The following BRD10 variants were observed in gnomAD, a reference collection of about 807,000 sequenced individuals.
BRD10 encodes the protein uncharacterized bromodomain-containing protein 10.
At chr9:5,991,180 GTATATATA>G in the BRD10 span, among the ~76,000 whole-genome samples, 2,290 of 150,056 alleles carry the variant, frequency 0.015, 26 homozygotes, top group Non-Finnish European at 0.02. Flanking sequence ...GTGTGTGTGT[GTATATATA>G]TATATATATA....
At chr9:5,940,956 T>C in the BRD10 span, among the ~76,000 whole-genome samples, 1 of 152,164 alleles carries the variant, frequency 6.6e-6, no homozygotes, top group Admixed American at 6.5e-5. Flanking sequence ...CAGAAGAGGT[T>C]TTTTTCCTTA....
chr9:5,892,592 G>A, the BRD10 span: 205 of 1,571,196 alleles, frequency 1.3e-4, no homozygotes, highest in African/African-American at 5.2e-4. Context: ...CCAGTTTGCC[G>A]TTTGCTGACA....
chr9:6,006,735 G>A, the BRD10 span, among the ~76,000 whole-genome samples: 4 of 152,192 alleles, frequency 2.6e-5, no homozygotes, highest in Admixed American at 6.5e-5. Context: ...GACATGGGTA[G>A]TAAATGATAA....
the BRD10 span, among the ~76,000 whole-genome samples, chr9:5,975,502 C>T: frequency 2.2e-4 from 28 of 129,278 alleles, no homozygotes; most frequent in Middle Eastern, 4.7e-3. Flanking sequence ...GTTATTGAAA[C>T]TATATTATTC....
the BRD10 span, among the ~76,000 whole-genome samples, chr9:5,916,522 T>C: frequency 6.7e-6 from 1 of 150,018 alleles, no homozygotes; most frequent in African/African-American, 2.4e-5. Flanking sequence ...TATACATATG[T>C]GTGTATATAT....
chr9:5,921,829 A>C, the BRD10 span: 2 of 1,614,010 alleles, frequency 1.2e-6, no homozygotes, highest in South Asian at 1.1e-5. Flanking sequence ...GCATGTGTGA[A>C]GTTTTATCTA....
At chr9:5,908,102 C>T in the BRD10 span, among the ~76,000 whole-genome samples, 1 of 152,224 alleles carries the variant, frequency 6.6e-6, no homozygotes, top group Non-Finnish European at 1.5e-5. Flanking sequence ...CCACAACTTA[C>T]TAGTTGTGTG....
chr9:5,885,829 C>T, the BRD10 span, among the ~76,000 whole-genome samples: 2 of 152,190 alleles, frequency 1.3e-5, no homozygotes, highest in South Asian at 2.1e-4. Context: ...GTGAGGCTTA[C>T]GGGGTGAGGA....
At chr9:5,948,889 T>C in the BRD10 span, among the ~76,000 whole-genome samples, 2 of 152,148 alleles carry the variant, frequency 1.3e-5, no homozygotes, top group Admixed American at 6.6e-5. Flanking sequence ...GCTAAAACTA[T>C]GCAGATGGGA....
the BRD10 span, among the ~76,000 whole-genome samples, chr9:5,951,328 TAAAA>T: frequency 6.7e-6 from 1 of 149,676 alleles, no homozygotes; most frequent in Non-Finnish European, 1.5e-5. Context: ...CATTAGGACT[TAAAA>T]AAAAAAAACT....
the BRD10 span, chr9:5,908,769 A>T: frequency 1.4e-6 from 2 of 1,452,808 alleles, no homozygotes; most frequent in Non-Finnish European, 1.9e-6. Context: ...GCTTGAATTT[A>T]ATACAGACAT....
the BRD10 span, among the ~76,000 whole-genome samples, chr9:5,893,215 G>GT: frequency 6.6e-6 from 1 of 152,196 alleles, no homozygotes; most frequent in African/African-American, 2.4e-5. Context: ...TGTAAGTGCG[G>GT]TAATGAAAAC....
chr9:5,920,290 T>C, the BRD10 span: 4 of 1,613,982 alleles, frequency 2.5e-6, no homozygotes, highest in Non-Finnish European at 3.4e-6. Context: ...CTCCAAGACC[T>C]TGTGGTGGAA....
At chr9:5,885,760 G>C in the BRD10 span, among the ~76,000 whole-genome samples, 1 of 152,184 alleles carries the variant, frequency 6.6e-6, no homozygotes, top group Non-Finnish European at 1.5e-5. Context: ...GCTCAGAAAG[G>C]TTAATTAACT....
the BRD10 span, among the ~76,000 whole-genome samples, chr9:5,993,661 T>C: frequency 3.2e-3 from 487 of 152,212 alleles, 5 homozygotes; most frequent in African/African-American, 0.011. Context: ...TTCTGACAAC[T>C]TGCAACCCAG....
At chr9:5,904,744 C>A in the BRD10 span, among the ~76,000 whole-genome samples, 5 of 150,490 alleles carry the variant, frequency 3.3e-5, no homozygotes, top group African/African-American at 1.2e-4. Flanking sequence ...GGATTACAGG[C>A]GTGAGCCACC....
the BRD10 span, among the ~76,000 whole-genome samples, chr9:5,960,224 T>A: frequency 6.6e-6 from 1 of 152,180 alleles, no homozygotes; most frequent in Non-Finnish European, 1.5e-5. Flanking sequence ...TCTTATTCAT[T>A]TTAGTCAGTT....
chr9:5,967,192 CT>C, the BRD10 span, among the ~76,000 whole-genome samples: 28 of 149,290 alleles, frequency 1.9e-4, no homozygotes, highest in East Asian at 3.9e-4. Context: ...TTAATTCCAC[CT>C]TTTTTTTTTC....
chr9:5,891,938 C>T, the BRD10 span, among the ~76,000 whole-genome samples: 3 of 152,158 alleles, frequency 2.0e-5, no homozygotes, highest in African/African-American at 4.8e-5. Context: ...CATGCACCCT[C>T]GCGAGGCACA....
Sources: gnomAD v4.1 joint callset for allele counts (sites outside exome capture counted in the v4.1 genomes callset) on GRCh38, gnomAD v4.1.1 for gene constraint, MANE v1.5 for transcripts, NCBI Gene and HGNC (gene_info 2026-07-23, HGNC 2026-07-21) for gene names.